Variants in GPATCH8 observed in about 807,000 individuals in gnomAD.
GPATCH8 encodes G-patch domain containing 8, also known as G patch domain-containing protein 8.
In GPATCH8, 18 loss-of-function variants were observed where a neutral mutation model predicts 118.3. The observed-to-expected ratio is 0.15, with a 90% CI of 0.11 to 0.23. GPATCH8 has a LOEUF of 0.23. GPATCH8 is among the 10% of genes least tolerant of loss of function. The probability of loss-of-function intolerance (pLI) is 1.00; values close to 1 mark genes in which losing one functional copy is unlikely to be tolerated. For missense variants in GPATCH8, 1,631 were observed against 1,873.8 expected (o/e 0.87, Z 2.39); for synonymous variants, 659 against 684.7 (o/e 0.96, Z 0.59).
At chr17:44,456,933 G>A (rs1057480512) in intron 3 of GPATCH8, among the ~76,000 whole-genome samples, 3 of 151,580 alleles carry the variant, frequency 2.0e-5, no homozygotes, top group Non-Finnish European at 2.9e-5. Context: ...GCGCAATCTC[G>A]GCTCACTACA....
At position 44,464,558 on chromosome 17, in the gene GPATCH8, CAG is replaced by C. The variant is rs778711704; in HGVS notation, c.121-16_121-15del. ...TCCAATATTATCCTGACAGACAGAA[CAG>C]AGAGACAAACCAAAAATATTCCAAT... is the stretch of plus-strand genomic sequence containing the variant. On this transcript the variant is annotated splice_polypyrimidine_tract_variant and intron_variant, in intron 2 of 7. Coordinates refer to ENST00000591680, the MANE Select transcript of GPATCH8 (RefSeq NM_001002909.4). The C allele has an allele frequency of 2.6e-6, 4 of 1,537,780 alleles. No homozygotes were observed. The highest frequency in any genetic ancestry group is 3.6e-6 in the Non-Finnish European group (4 of 1,111,796).
chr17:44,447,688 C>A (rs1360437120), intron 3 of GPATCH8, among the ~76,000 whole-genome samples: 1 of 149,196 alleles, frequency 6.7e-6, no homozygotes, highest in Non-Finnish European at 1.5e-5. Flanking sequence ...TGCAGTCACA[C>A]AATCATAGCT....
chr17:44,412,379 C>T (rs1567952568), intron 6 of GPATCH8, among the ~76,000 whole-genome samples: 2 of 151,996 alleles, frequency 1.3e-5, no homozygotes, highest in African/African-American at 2.4e-5. Context: ...AAGAACCTTT[C>T]ATTTTATTTT....
At chr17:44,419,380 T>A (rs1357350691) in intron 6 of GPATCH8, among the ~76,000 whole-genome samples, 2 of 152,240 alleles carry the variant, frequency 1.3e-5, no homozygotes, top group African/African-American at 4.8e-5. Context: ...GGTCCATTTG[T>A]ATGTTAAGTT....
At chr17:44,429,175 T>C (rs1395931851) in intron 5 of GPATCH8, among the ~76,000 whole-genome samples, 1 of 152,128 alleles carries the variant, frequency 6.6e-6, no homozygotes, top group African/African-American at 2.4e-5. Flanking sequence ...AAGCCCATTA[T>C]AGGCTATAGA....
chr17:44,438,800 G>A (rs940023087), intron 3 of GPATCH8: 3 of 152,582 alleles, frequency 2.0e-5, no homozygotes, highest in Admixed American at 6.5e-5. Context: ...ATGGGGTAAA[G>A]TTAACAGTTG....
At chr17:44,431,544 T>G (rs1375260215) in intron 5 of GPATCH8, among the ~76,000 whole-genome samples, 1 of 143,942 alleles carries the variant, frequency 6.9e-6, no homozygotes, top group Non-Finnish European at 1.5e-5. Context: ...ATATCTCACA[T>G]ATTAAAAATA....
Position 44,398,362 on chromosome 17 carries a change from T to C in GPATCH8, c.3715A>G (p.Ile1239Val), listed in dbSNP as rs775521436. 5 of 1,613,736 alleles carry C rather than the reference T, an allele frequency of 3.1e-6. No homozygotes were observed. In the African/African-American group the frequency reaches 5.3e-5, roughly 17 times the overall value. Residue 1239 changes from isoleucine to valine, a missense_variant, in exon 8 of 8, where the codon ATC becomes GTC. Around this residue, in one of 8 missense-constraint regions of GPATCH8, gnomAD observed 922 missense variants for 879.7 expected, o/e 1.05. Transcript: ENST00000591680. ...GGGTCGGGGAGGTAGTTATGGGAGATGGTTGGGTCCCCAGGGTAGCAGTCA... is the reference window on the plus strand; with the variant it reads ...GGGTCGGGGAGGTAGTTATGGGAGACGGTTGGGTCCCCAGGGTAGCAGTCA... ...HSDCYPGDPTISHNYLPDPSD... is the reference protein window; with the variant it reads ...HSDCYPGDPTVSHNYLPDPSD...
chr17:44,467,019 C>T, intron 2 of GPATCH8: 2 of 547,326 alleles, frequency 3.7e-6, no homozygotes, highest in Non-Finnish European at 6.3e-6. Context: ...TATGAATGCA[C>T]TCAAATAAAC....
intron 7 of GPATCH8, among the ~76,000 whole-genome samples, chr17:44,402,324 CAAAAAAAAAA>C (rs61316944): frequency 4.8e-5 from 2 of 41,906 alleles, no homozygotes; most frequent in African/African-American, 1.8e-4. Flanking sequence ...GACTCTGTCT[CAAAAAAAAAA>C]AAAAAAAAAA....
chr17:44,422,772 C>T (rs1245232583), intron 6 of GPATCH8, among the ~76,000 whole-genome samples: 4 of 151,766 alleles, frequency 2.6e-5, no homozygotes, highest in African/African-American at 9.7e-5. Context: ...GCCACCGCAC[C>T]CGGCCGGCCT....
At chr17:44,404,175 T>A (rs899010240) in intron 7 of GPATCH8, among the ~76,000 whole-genome samples, 3 of 152,194 alleles carry the variant, frequency 2.0e-5, no homozygotes, top group Admixed American at 1.3e-4. Context: ...TCTTGCTCTA[T>A]CACCCAGGCT....
chr17:44,481,137 T>C (rs1372236887), intron 1 of GPATCH8, among the ~76,000 whole-genome samples: 1 of 152,186 alleles, frequency 6.6e-6, no homozygotes, highest in South Asian at 2.1e-4. Flanking sequence ...TCTCGAACTC[T>C]TGGGCTCAAT....
intron 5 of GPATCH8, among the ~76,000 whole-genome samples, chr17:44,429,023 C>G (rs1167524549): frequency 6.6e-6 from 1 of 152,062 alleles, no homozygotes; most frequent in Admixed American, 6.6e-5. Flanking sequence ...CACCTGTAGT[C>G]CCAGCTACTC....
At chr17:44,451,729 CTCA>C (rs1472404391) in intron 3 of GPATCH8, among the ~76,000 whole-genome samples, 1 of 152,158 alleles carries the variant, frequency 6.6e-6, no homozygotes, top group African/African-American at 2.4e-5. Flanking sequence ...TGAATTTATA[CTCA>C]TCATGAAGAA....
At chr17:44,464,584 A>C in intron 2 of GPATCH8, 40 bp from the exon 3 acceptor site, 1 of 1,111,018 alleles carries the variant, frequency 9.0e-7, no homozygotes, top group Non-Finnish European at 1.4e-6. Flanking sequence ...AAATATTCCA[A>C]TAATATATTC....
At chr17:44,500,483 C>T (rs185273282) in intron 1 of GPATCH8, among the ~76,000 whole-genome samples, 2 of 152,306 alleles carry the variant, frequency 1.3e-5, no homozygotes, top group East Asian at 3.9e-4. Context: ...CCACTGTTAA[C>T]TATAACTTTT....
At chr17:44,445,015 T>C (rs1256883270) in intron 3 of GPATCH8, among the ~76,000 whole-genome samples, 1 of 152,192 alleles carries the variant, frequency 6.6e-6, no homozygotes, top group East Asian at 1.9e-4. Context: ...AAGGAATTAT[T>C]TTATCAAGTA....
chr17:44,452,297 A>C (rs375882699), intron 3 of GPATCH8, among the ~76,000 whole-genome samples: 1 of 151,356 alleles, frequency 6.6e-6, no homozygotes, highest in East Asian at 1.9e-4. Context: ...AAAGAAAAAA[A>C]AAAAAAGGAA....
Sources: allele counts gnomAD v4.1 joint callset (sites outside exome capture counted in the v4.1 genomes callset), GRCh38; gene constraint gnomAD v4.1.1; regional missense constraint gnomAD v4.1.1; transcripts MANE v1.5; gene names NCBI Gene and HGNC (gene_info 2026-07-23, HGNC 2026-07-21).